PM20D2: variants seen among roughly 807,000 people sequenced by gnomAD.
PM20D2 encodes the protein peptidase M20 domain containing 2.
In PM20D2, 33 loss-of-function variants were observed where a neutral mutation model predicts 42.9. The observed-to-expected ratio is 0.77, with a 90% CI of 0.58 to 1.03. The LOEUF is 1.03. PM20D2 is among the 50% of genes least tolerant of loss of function. The probability of loss-of-function intolerance (pLI) is 0.00; values close to 1 mark genes in which losing one functional copy is unlikely to be tolerated. For missense variants in PM20D2, 548 were observed against 557.0 expected (o/e 0.98, Z 0.16); for synonymous variants, 250 against 228.2 (o/e 1.10, Z -0.86).
At chr6:89,104,228 T>G in the PM20D2 span, among the ~76,000 whole-genome samples, 1 of 20,038 alleles carries the variant, frequency 5.0e-5, no homozygotes. Flanking sequence ...ATCACCTTTT[T>G]TTTTTTTTTT....
the PM20D2 span, among the ~76,000 whole-genome samples, chr6:89,113,931 C>T: frequency 1.3e-5 from 2 of 152,220 alleles, no homozygotes; most frequent in Admixed American, 6.5e-5. Context: ...GCATGAGCCA[C>T]TGTGCCCTAT....
rs772259033 is a variant in PM20D2, at chr6:89,154,743, T to C, written c.758-5T>C. The C allele has an allele frequency of 6.6e-7, 1 of 1,506,644 alleles. No individual in the cohort carries two copies. The highest frequency in any genetic ancestry group is 1.3e-5 in the South Asian group (1 of 75,782). The allele number at this position is 1,506,644 out of a possible 1,614,324, so 93.3% of individuals were successfully genotyped here. On this transcript the variant is annotated splice_region_variant and splice_polypyrimidine_tract_variant and intron_variant, in intron 3 of 6. Coordinates refer to ENST00000275072, the MANE Select transcript of PM20D2 (RefSeq NM_001010853.3). ...TTAATTCTAGTAATTTGGTTCTTTTTATAGGTATAATAAAAAATGGTGGTG... is the reference window on the plus strand; with the variant it reads ...TTAATTCTAGTAATTTGGTTCTTTTCATAGGTATAATAAAAAATGGTGGTG...
chr6:89,150,531 C>CTTTTTTTT (rs753768538), intron 2 of PM20D2, among the ~76,000 whole-genome samples: 2 of 59,394 alleles, frequency 3.4e-5, no homozygotes, highest in Non-Finnish European at 3.1e-5. Flanking sequence ...CTGATCATCT[C>CTTTTTTTT]TTTTTTTTTT....
the PM20D2 span, among the ~76,000 whole-genome samples, chr6:89,134,391 T>C: frequency 6.6e-6 from 1 of 151,174 alleles, no homozygotes; most frequent in Non-Finnish European, 1.5e-5. Flanking sequence ...CCAAGAGGGT[T>C]TGTGTTTATT....
At chr6:89,124,121 T>C in the PM20D2 span, among the ~76,000 whole-genome samples, 2 of 152,194 alleles carry the variant, frequency 1.3e-5, no homozygotes, top group African/African-American at 4.8e-5. Context: ...CTCTCTCTTA[T>C]AAAAGGGAAA....
chr6:89,129,327 A>C, the PM20D2 span, among the ~76,000 whole-genome samples: 1 of 152,278 alleles, frequency 6.6e-6, no homozygotes. Flanking sequence ...ATGAATCCCA[A>C]GCACATTGTG....
chr6:89,102,982 C>G, the PM20D2 span, among the ~76,000 whole-genome samples: 1 of 152,110 alleles, frequency 6.6e-6, no homozygotes, highest in Admixed American at 6.5e-5. Context: ...CCAGGCTGGT[C>G]TCTCAAATTC....
At chr6:89,157,418 A>C (rs2127780517) in intron 4 of PM20D2, among the ~76,000 whole-genome samples, 1 of 152,292 alleles carries the variant, frequency 6.6e-6, no homozygotes, top group African/African-American at 2.4e-5. Context: ...TATTTAATCA[A>C]AACTGAATCT....
the PM20D2 span, among the ~76,000 whole-genome samples, chr6:89,100,294 A>G: frequency 6.6e-6 from 1 of 152,228 alleles, no homozygotes; most frequent in African/African-American, 2.4e-5. Flanking sequence ...CCAAAAGGTC[A>G]ATGAGGAACA....
the PM20D2 span, chr6:89,098,149 A>AT: frequency 2.0e-5 from 3 of 152,984 alleles, no homozygotes; most frequent in Non-Finnish European, 4.4e-5. Flanking sequence ...CAAAAGAGAC[A>AT]TAGGTGTCAA....
At chr6:89,106,665 C>T in the PM20D2 span, 24 of 180,982 alleles carry the variant, frequency 1.3e-4, no homozygotes, top group Admixed American at 2.8e-4. Flanking sequence ...CAATATAAAA[C>T]GAGACTGGCA....
the PM20D2 span, among the ~76,000 whole-genome samples, chr6:89,108,254 G>A: frequency 2.6e-5 from 4 of 152,140 alleles, no homozygotes; most frequent in Non-Finnish European, 5.9e-5. Context: ...AGCAATAATA[G>A]CTAACAGTTA....
At chr6:89,144,782 T>C (rs928085972), upstream of PM20D2, among the ~76,000 whole-genome samples, 1 of 151,292 alleles carries the variant, frequency 6.6e-6, no homozygotes, top group African/African-American at 2.4e-5. Context: ...GGATACAGGG[T>C]AATTTTCTTC....
the PM20D2 span, chr6:89,098,692 C>A: frequency 1.9e-6 from 3 of 1,613,908 alleles, no homozygotes; most frequent in Non-Finnish European, 1.7e-6. Context: ...GAGATTTACA[C>A]GGGGATCTTG....
At chr6:89,111,110 T>TGTC in the PM20D2 span, among the ~76,000 whole-genome samples, 12 of 121,832 alleles carry the variant, frequency 9.8e-5, no homozygotes, top group African/African-American at 4.9e-4. Context: ...GAGACTTGTC[T>TGTC]TTTTTTTTTT....
At chr6:89,106,136 T>C in the PM20D2 span, among the ~76,000 whole-genome samples, 683 of 152,284 alleles carry the variant, frequency 4.5e-3, 5 homozygotes, top group African/African-American at 0.016. Flanking sequence ...TTTTCTGTTT[T>C]TGAGATGGAG....
chr6:89,103,571 C>T, the PM20D2 span, among the ~76,000 whole-genome samples: 1 of 151,880 alleles, frequency 6.6e-6, no homozygotes, highest in Non-Finnish European at 1.5e-5. Context: ...TCAGGTGATC[C>T]GCCCCCGCCC....
the PM20D2 span, among the ~76,000 whole-genome samples, chr6:89,107,564 T>C: frequency 2.6e-5 from 4 of 151,824 alleles, no homozygotes; most frequent in Non-Finnish European, 5.9e-5. Context: ...ACCCCGTCTC[T>C]ACAAAAAAAT....
chr6:89,155,920 T>C (rs1164159327), intron 4 of PM20D2, among the ~76,000 whole-genome samples: 1 of 150,636 alleles, frequency 6.6e-6, no homozygotes, highest in Non-Finnish European at 1.5e-5. Flanking sequence ...AGTCTTGCCC[T>C]GTCACCCAGG....
Sources: gnomAD v4.1 joint callset for allele counts (sites outside exome capture counted in the v4.1 genomes callset) on GRCh38, gnomAD v4.1.1 for gene constraint, MANE v1.5 for transcripts, NCBI Gene and HGNC (gene_info 2026-07-23, HGNC 2026-07-21) for gene names.